Variants in CENPT observed in about 807,000 individuals in gnomAD.
CENPT encodes the protein centromere protein T.
In CENPT, 42 loss-of-function variants were observed where a neutral mutation model predicts 59.7. The ratio of observed to expected loss-of-function variants is 0.70; its 90% CI spans 0.55 to 0.91. The LOEUF is 0.91. Among genes scored for constraint, CENPT ranks in the 40% least tolerant of loss-of-function variants. The pLI is 0.00. For synonymous variants in CENPT, 295 were observed against 289.6 expected (o/e 1.02, Z -0.19); for missense variants, 716 against 713.4 (o/e 1.00, Z -0.04).
In CENPT at chr16:67,831,091, G is replaced by T. The variant is rs2057683128; in HGVS notation, c.703+125C>A. On this transcript the variant is annotated intron_variant, in intron 10 of 15. Transcript: ENST00000562787. Reference sequence around the variant, plus strand: ...AGCAGAAATTCCTTGTAGACCCACTGACCAGAGTTGCTCGCTGTCCTTGAC... The same window carrying T: ...AGCAGAAATTCCTTGTAGACCCACTTACCAGAGTTGCTCGCTGTCCTTGAC... 3.9e-6 allele frequency: 5 copies of T among 1,270,080 alleles called. No individual in the cohort carries two copies. The South Asian group carries it at 6.3e-5, about 16-fold the overall frequency. The allele number at this position is 1,270,080 out of a possible 1,614,324, so 78.7% of individuals were successfully genotyped here.
chr16:67,829,547 T>A, intron 12 of CENPT, 31 bp from the exon 13 acceptor site: 1 of 1,566,462 alleles, frequency 6.4e-7, no homozygotes, highest in Non-Finnish European at 8.7e-7. Flanking sequence ...GTCACAGGGA[T>A]TCCAGGCCTG....
rs760037834 is a variant in CENPT, at chr16:67,843,620, G to A, written c.-492+3781C>T. The A allele has an allele frequency of 2.7e-5, 27 of 1,014,588 alleles. No homozygotes were observed. The highest frequency in any genetic ancestry group is 3.6e-5 in the Non-Finnish European group (25 of 704,114). 62.8% of individuals were successfully genotyped at this position (1,014,588 alleles called of 1,614,324 possible). ...GACAGTACTGAGGCTTAAGGCAGCT[G>A]GACTCTCTTGCTGGTGACCTGGCAT... is the stretch of plus-strand genomic sequence containing the variant. On this transcript the variant is annotated intron_variant, in intron 1 of 15. Coordinates refer to ENST00000562787, the MANE Select transcript of CENPT (RefSeq NM_025082.4). The surrounding 1 kb of genome is among the most constrained non-coding windows in gnomAD (Gnocchi z 5.7).
intron 4 of CENPT, 114 bp downstream of exon 4, chr16:67,833,636 C>T: frequency 1.6e-6 from 1 of 608,802 alleles, no homozygotes; most frequent in South Asian, 2.6e-5. Flanking sequence ...CCAGACCCTG[C>T]TCCTCTCTGA....
chr16:67,832,301 C>G lies in CENPT; in HGVS notation c.216G>C (p.Ser72=), dbSNP rs746731133. 5 of 1,614,118 alleles carry G rather than the reference C, an allele frequency of 3.1e-6. No individual in the cohort carries two copies. In the South Asian group the frequency reaches 4.4e-5, roughly 14 times the overall value. Reference sequence around the variant, plus strand: ...AGTGCCCACTGGCCTGAATATGGGCCGATCTGCCAACAGACTATCGGCAAA... The same window carrying G: ...AGTGCCCACTGGCCTGAATATGGGCGGATCTGCCAACAGACTATCGGCAAA... ...RSHGARSVGR[S]AHIQASGHLE... The change falls in exon 6 of 16, where the codon TCG becomes TCC. Residue 72 remains serine, a synonymous_variant. Transcript: ENST00000562787.
chr16:67,837,781 C>T (rs1199178976), intron 1 of CENPT, among the ~76,000 whole-genome samples: 5 of 152,006 alleles, frequency 3.3e-5, no homozygotes, highest in Non-Finnish European at 5.9e-5. Flanking sequence ...CATAATTAAA[C>T]GTTATAATTA....
intron 9 of CENPT, 52 bp downstream of exon 9, chr16:67,831,524 C>T: frequency 1.2e-6 from 2 of 1,606,514 alleles, no homozygotes; most frequent in Non-Finnish European, 1.7e-6. Flanking sequence ...CACCTCCCTC[C>T]CCAAGTCTCT....
Position 67,843,661 on chromosome 16 carries a change from C to T in CENPT, c.-492+3740G>A, listed in dbSNP as rs776136797. The T allele has an allele frequency of 1.3e-5, 9 of 696,036 alleles. No individual in the cohort carries two copies. Among genetic ancestry groups the T allele is most frequent in the Non-Finnish European group, 2.1e-5 (9 of 421,032 alleles). 43.1% of individuals were successfully genotyped at this position (696,036 alleles called of 1,614,324 possible). A position where few individuals can be genotyped will look rare whatever the true frequency, so the allele number is the denominator to read the frequency against. On this transcript the variant is annotated intron_variant, in intron 1 of 15. Coordinates refer to ENST00000562787, the MANE Select transcript of CENPT (RefSeq NM_025082.4). This position sits in a 1 kb window ranked among gnomAD's most constrained non-coding sequence, Gnocchi z 5.7. ...GACCTGGCATCCTCAATTGTTTCCT[C>T]CTGAAGTGGAAGCTGGGGCCTTAGA... is the stretch of plus-strand genomic sequence containing the variant.
chr16:67,829,244 G>A (rs902980911), intron 13 of CENPT, 179 bp downstream of exon 13: 30 of 554,986 alleles, frequency 5.4e-5, no homozygotes, highest in Non-Finnish European at 7.1e-5. Context: ...CCTCTAAGCC[G>A]TGGAGGCAGG....
chr16:67,844,840 G>A (rs936058418), intron 1 of CENPT, among the ~76,000 whole-genome samples: 2 of 151,614 alleles, frequency 1.3e-5, no homozygotes, highest in South Asian at 4.2e-4. Context: ...CCAGGCTGGA[G>A]TGCAATGGTG....
intron 1 of CENPT, among the ~76,000 whole-genome samples, chr16:67,841,010 CATATATATATATATAT>C (rs66882634): frequency 3.7e-5 from 4 of 109,384 alleles, no homozygotes; most frequent in Middle Eastern, 5.0e-3. Context: ...ATACAAAATA[CATATATATATATATAT>C]ATATATATAT....
At position 67,829,989 on chromosome 16, in the gene CENPT, T is replaced by C; in HGVS notation, c.962A>G (p.Asp321Gly). The C allele has an allele frequency of 6.2e-7, 1 of 1,614,210 alleles. No homozygotes were observed. Among genetic ancestry groups the C allele is most frequent in the Non-Finnish European group, 8.5e-7 (1 of 1,180,042 alleles). ...TCCATCGTGTAAGGGCTCTACTTCATCTTCTCCAGAGACACCACTGCTGGT... is the reference window on the plus strand; with the variant it reads ...TCCATCGTGTAAGGGCTCTACTTCACCTTCTCCAGAGACACCACTGCTGGT... ...LSTSSGVSGEDEVEPLHDGVE... is the reference protein window; with the variant it reads ...LSTSSGVSGEGEVEPLHDGVE... The change falls in exon 12 of 16, where the codon GAT becomes GGT. Residue 321 changes from aspartate to glycine, a missense_variant. Asp to Gly is a moderately conservative substitution (Grantham distance 94, BLOSUM62 -1). Transcript: ENST00000562787.
At position 67,843,037 on chromosome 16, in the gene CENPT, G is replaced by A; in HGVS notation, c.-492+4364C>T. ...CCGCGGCCGTGCTTCTCACCCTTCA[G>A]GCCACTGTAGACAGCAGTCAGGCTC... On this transcript the variant is annotated intron_variant, in intron 1 of 15. Transcript: ENST00000562787. The surrounding 1 kb of genome is among the most constrained non-coding windows in gnomAD (Gnocchi z 5.7). The A allele has an allele frequency of 1.2e-6, 2 of 1,612,420 alleles. No homozygotes were observed. Among genetic ancestry groups the A allele is most frequent in the Non-Finnish European group, 1.7e-6 (2 of 1,180,036 alleles).
Position 67,829,905 on chromosome 16 carries a change from G to C in CENPT, c.1046C>G (p.Ala349Gly), listed in dbSNP as rs1325123117. ...EEGVSVSEME[A>G]TGAQGPSRVE... Reference sequence around the variant, plus strand: ...CCTGCTGGGTCCTTGTGCTCCTGTTGCCTCCATTTCACTCACACTCACACC... The same window carrying C: ...CCTGCTGGGTCCTTGTGCTCCTGTTCCCTCCATTTCACTCACACTCACACC... Residue 349 changes from alanine (A) to glycine (G), a missense_variant, in exon 12 of 16, where the codon GCA becomes GGA. Physicochemically the swap from Ala to Gly is moderately conservative, Grantham distance 60 (BLOSUM62 0). Coordinates refer to ENST00000562787, the MANE Select transcript of CENPT (RefSeq NM_025082.4). 6.2e-7 allele frequency: 1 copy of C among 1,614,192 alleles called. No individual in the cohort carries two copies. Among genetic ancestry groups the C allele is most frequent in the Admixed American group, 1.7e-5 (1 of 60,026 alleles).
In CENPT at chr16:67,830,419, T is replaced by C; in HGVS notation, c.833A>G (p.Gln278Arg). 1.2e-6 allele frequency: 2 copies of C among 1,613,774 alleles called. No homozygotes were observed. Among genetic ancestry groups the C allele is most frequent in the Non-Finnish European group, 1.7e-6 (2 of 1,179,868 alleles). Residue 278 changes from glutamine to arginine, a missense_variant, in exon 11 of 16, where the codon CAG becomes CGG. Physicochemically the swap from Gln to Arg is conservative, Grantham distance 43. Transcript: ENST00000562787. ...DAEQAAGRKT[Q>R]SSGPGLQKNS... ...CTTCTGCAGCCCAGGCCCACTGCTC[T>C]GTGTCTTGCGACCGGCAGCCTGCTC... is the stretch of plus-strand genomic sequence containing the variant.
In CENPT at chr16:67,833,757, G is replaced by A. The variant is rs750258423; in HGVS notation, c.103C>T (p.Arg35Trp). 4 of 1,542,528 alleles carry A rather than the reference G, an allele frequency of 2.6e-6. No homozygotes were observed. The South Asian group carries it at 3.6e-5, about 14-fold the overall frequency. ...PRTPRRPRSA[R>W]AGARRALLET... ...GGGAGCCCCCTCACATACCCAGCCC[G>A]AGCACTCCGGGGTCGCCGCGGGGTG... is the stretch of plus-strand genomic sequence containing the variant. The change falls in exon 4 of 16, where the codon CGG becomes TGG. Residue 35 changes from arginine (R) to tryptophan (W), a missense_variant. Arg to Trp is a moderately radical substitution (Grantham distance 101). Transcript: ENST00000562787.
Position 67,829,816 on chromosome 16 carries a change from C to T in CENPT, c.1135G>A (p.Ala379Thr), listed in dbSNP as rs1181444593. The change falls in exon 12 of 16, where the codon GCT (alanine) becomes ACT (threonine). Residue 379 changes from alanine to threonine, a missense_variant. Transcript: ENST00000562787. ...CCTGAAGATGCTCCTGGCCCGTCAGCCTCAGCAGTCCCCTGGGATCCCTCT... is the reference window on the plus strand; with the variant it reads ...CCTGAAGATGCTCCTGGCCCGTCAGTCTCAGCAGTCCCCTGGGATCCCTCT... ...EAEGSQGTAE[A>T]DGPGASSGDE... The T allele has an allele frequency of 1.5e-5, 24 of 1,614,130 alleles. No individual in the cohort carries two copies. The highest frequency in any genetic ancestry group is 1.9e-5 in the Non-Finnish European group (22 of 1,180,044).
In CENPT at chr16:67,829,844, TTC is replaced by T; in HGVS notation, c.1105_1106del (p.Glu369SerfsTer9). 1 of 1,614,212 alleles carries T rather than the reference TTC, an allele frequency of 6.2e-7. No individual in the cohort carries two copies. Among genetic ancestry groups the T allele is most frequent in the East Asian group, 2.2e-5 (1 of 44,876 alleles). On this transcript the variant is annotated frameshift_variant, in exon 12 of 16. Coordinates refer to ENST00000562787, the MANE Select transcript of CENPT (RefSeq NM_025082.4). LOFTEE classifies it high-confidence loss of function. Reference sequence around the variant, plus strand: ...CAGCAGTCCCCTGGGATCCCTCTGCTTCTGTCACCTCTGTGTGTCCCTCAGCC... The same window carrying T: ...CAGCAGTCCCCTGGGATCCCTCTGCTTGTCACCTCTGTGTGTCCCTCAGCC... ...EEAEGHTEVT[E>X]AEGSQGTAEA...
At chr16:67,839,646 G>C (rs960763188) in intron 1 of CENPT, among the ~76,000 whole-genome samples, 2 of 152,036 alleles carry the variant, frequency 1.3e-5, no homozygotes, top group African/African-American at 4.8e-5. Context: ...GCCGAGGTGG[G>C]TGGATCACCT....
At chr16:67,847,180 G>C (rs866135672) in intron 1 of CENPT, 1 of 151,984 alleles carries the variant, frequency 6.6e-6, no homozygotes, top group Non-Finnish European at 1.5e-5. Flanking sequence ...GCGGCGGCCG[G>C]GGGTAACGCA....
Sources: gnomAD v4.1 joint callset for allele counts (sites outside exome capture counted in the v4.1 genomes callset) on GRCh38, gnomAD v4.1.1 for gene constraint, Gnocchi (gnomAD v3.1) non-coding constraint, MANE v1.5 for transcripts, NCBI Gene and HGNC (gene_info 2026-07-23, HGNC 2026-07-21) for gene names.